Variants in RAC2 observed in about 807,000 individuals in gnomAD.
RAC2 encodes the protein ras-related C3 botulinum toxin substrate 2.
Under a neutral mutation model 24.0 loss-of-function variants are expected in RAC2, and 1 was observed. The observed-to-expected ratio is 0.04, with a 90% confidence interval of 0.01 to 0.20. RAC2 has a LOEUF of 0.20. Ranked by LOEUF, RAC2 falls within the 10% of genes least tolerant of loss-of-function variation. The pLI is 1.00. For missense variants in RAC2, 130 were observed against 259.1 expected (o/e 0.50, Z 3.42); for synonymous variants, 114 against 106.8 (o/e 1.07, Z -0.41).
intron 2 of RAC2, 78 bp downstream of exon 2, chr22:37,241,509 G>A: frequency 4.9e-6 from 7 of 1,433,642 alleles, no homozygotes; most frequent in Non-Finnish European, 6.9e-6. Flanking sequence ...TGGCCCACAG[G>A]AAGTGCCTGA....
At chr22:37,243,790 A>T (rs1374702613) in intron 1 of RAC2, among the ~76,000 whole-genome samples, 1 of 152,202 alleles carries the variant, frequency 6.6e-6, no homozygotes, top group Non-Finnish European at 1.5e-5. Flanking sequence ...GCATCCACAG[A>T]GTAAAGACTG....
chr22:37,243,333 G>GC (rs1278453596), intron 1 of RAC2, among the ~76,000 whole-genome samples: 2 of 152,200 alleles, frequency 1.3e-5, no homozygotes, highest in East Asian at 1.9e-4. Flanking sequence ...GGAAACTGAG[G>GC]CCCCCAGGGG....
chr22:37,234,928 C>T lies in RAC2; in HGVS notation c.108-2010G>A, dbSNP rs56047979. 3.4e-3 allele frequency among the ~76,000 whole-genome samples: 520 copies of T among 152,332 alleles called. 1 individual carries two copies. Among genetic ancestry groups the T allele is most frequent in the African/African-American group, 0.012 (503 of 41,562 alleles). On this transcript the variant is annotated intron_variant, in intron 2 of 6. Transcript: ENST00000249071. ...TCGTCGTCCTCTACCTGTAAAGAGC[C>T]CATGGTTCCCTCTCTCAGGTGACTA... is the stretch of plus-strand genomic sequence containing the variant.
chr22:37,230,862 G>A (rs1305994922), intron 5 of RAC2, among the ~76,000 whole-genome samples: 4 of 152,104 alleles, frequency 2.6e-5, no homozygotes, highest in South Asian at 2.1e-4. Context: ...GCTTCTGTCT[G>A]CTCAAAGCAC....
intron 3 of RAC2, 66 bp downstream of exon 3, chr22:37,232,735 G>T: frequency 7.3e-7 from 1 of 1,370,726 alleles, no homozygotes; most frequent in Non-Finnish European, 1.0e-6. Context: ...GGCTGGAAGG[G>T]CATCCCAAGC....
intron 2 of RAC2, among the ~76,000 whole-genome samples, chr22:37,235,344 C>T (rs956137780): frequency 7.9e-5 from 12 of 152,182 alleles, no homozygotes; most frequent in African/African-American, 1.4e-4. Flanking sequence ...TGGCCCCTGA[C>T]TTCCCACTCT....
chr22:37,226,713 T>C lies in RAC2; in HGVS notation c.539A>G (p.Gln180Arg), dbSNP rs763673351. ...DEAIRAVLCP[Q>R]PTRQQKRACS... ...GGCGCGCTTCTGCTGCCGCGTGGGC[T>C]GAGGGCACAGCACGGCCCGGATGGC... is the stretch of plus-strand genomic sequence containing the variant. The change falls in exon 6 of 7, where the codon CAG becomes CGG. Residue 180 changes from glutamine to arginine, a missense_variant. Around this residue, in one of 2 missense-constraint regions of RAC2, gnomAD observed 119 missense variants for 192.1 expected, o/e 0.62. Transcript: ENST00000249071. 6.2e-7 allele frequency: 1 copy of C among 1,613,152 alleles called. No homozygotes were observed.
chr22:37,228,053 C>T (rs1438744063), intron 5 of RAC2, among the ~76,000 whole-genome samples: 1 of 152,180 alleles, frequency 6.6e-6, no homozygotes, highest in Non-Finnish European at 1.5e-5. Flanking sequence ...CAAATAATCC[C>T]CAGGAGGCCT....
rs918742612 is a variant in RAC2 at position 37,225,599 on chromosome 22, C to T, written c.*443G>A. ...GGAACTCTCTGGCAAGCAGGACCATCGATATTAGAGCAGCTGGCCTCAGGA... is the reference window on the plus strand; with the variant it reads ...GGAACTCTCTGGCAAGCAGGACCATTGATATTAGAGCAGCTGGCCTCAGGA... On this transcript the variant is annotated 3_prime_UTR_variant, in exon 7 of 7. Coordinates refer to ENST00000249071, the MANE Select transcript of RAC2 (RefSeq NM_002872.5). 1.3e-5 allele frequency: 2 copies of T among 152,176 alleles called. No individual in the cohort carries two copies. Among genetic ancestry groups the T allele is most frequent in the Non-Finnish European group, 2.9e-5 (2 of 68,048 alleles). 9.4% of individuals were successfully genotyped at this position (152,176 alleles called of 1,614,324 possible). A position where few individuals can be genotyped will look rare whatever the true frequency, so the allele number is the denominator to read the frequency against.
At chr22:37,241,536 G>A (rs2145831256) in intron 2 of RAC2, 51 bp downstream of exon 2, 1 of 1,557,940 alleles carries the variant, frequency 6.4e-7, no homozygotes, top group Middle Eastern at 1.7e-4. Flanking sequence ...GGTCGACTTG[G>A]TGACGGTCTC....
intron 2 of RAC2, among the ~76,000 whole-genome samples, chr22:37,233,562 C>T (rs1440124828): frequency 6.6e-6 from 1 of 152,230 alleles, no homozygotes; most frequent in African/African-American, 2.4e-5. Context: ...GGATTACAGG[C>T]GTGAGCCACT....
At chr22:37,232,392 A>G in intron 3 of RAC2, 1 of 416,974 alleles carries the variant, frequency 2.4e-6, no homozygotes, top group Non-Finnish European at 4.5e-6. Flanking sequence ...TACCGGCCTT[A>G]GCCGCCTCCC....
Position 37,231,397 on chromosome 22 carries a change from A to C in RAC2, c.289-7T>G, listed in dbSNP as rs1057479635. The C allele has an allele frequency of 1.9e-6, 3 of 1,613,794 alleles. No homozygotes were observed. In the African/African-American group the frequency reaches 4.0e-5, roughly 22 times the overall value. ...GCCGCACTTCTGGGAACCACTGGGC[A>C]GGTGGGTGGGGGGACACAAGGTTGT... On this transcript the variant is annotated splice_region_variant and splice_polypyrimidine_tract_variant and intron_variant, in intron 4 of 6. Transcript: ENST00000249071. The surrounding 1 kb of genome is among the most constrained non-coding windows in gnomAD (Gnocchi z 5.5).
rs941797768 is a variant in RAC2, at chr22:37,231,594, G to A, written c.289-204C>T. 1.5e-4 allele frequency: 94 copies of A among 610,038 alleles called. 1 individual carries two copies. Among genetic ancestry groups the A allele is most frequent in the Non-Finnish European group, 2.3e-5 (8 of 344,482 alleles). 37.8% of individuals were successfully genotyped at this position (610,038 alleles called of 1,614,324 possible). ...CACGACGTTGTGCAGGAAGGAGGGGGCGCATGATTGTAGGAAAGGAGGAGG... is the reference window on the plus strand; with the variant it reads ...CACGACGTTGTGCAGGAAGGAGGGGACGCATGATTGTAGGAAAGGAGGAGG... On this transcript the variant is annotated intron_variant, in intron 4 of 6. Transcript: ENST00000249071. The surrounding 1 kb of genome is among the most constrained non-coding windows in gnomAD (Gnocchi z 5.5).
chr22:37,238,238 A>G (rs1927292218), intron 2 of RAC2, among the ~76,000 whole-genome samples: 1 of 151,716 alleles, frequency 6.6e-6, no homozygotes, highest in Non-Finnish European at 1.5e-5. Context: ...GGCTCTTTTT[A>G]TTTTATTTTA....
At position 37,237,336 on chromosome 22, in the gene RAC2, C is replaced by G. The variant is rs1927260524; in HGVS notation, c.107+4251G>C. ...CATCAGCCAGGAGGGGAGGCCCTTA[C>G]CGTGCTATTGGTTGAAAGATGAAGG... On this transcript the variant is annotated intron_variant, in intron 2 of 6. Transcript: ENST00000249071. Among the ~76,000 whole-genome samples, 4 of 151,988 alleles carry G rather than the reference C, an allele frequency of 2.6e-5. No individual in the cohort carries two copies. The South Asian group carries it at 8.3e-4, about 32-fold the overall frequency.
intron 2 of RAC2, among the ~76,000 whole-genome samples, chr22:37,238,615 C>T (rs571653894): frequency 1.3e-5 from 2 of 152,288 alleles, no homozygotes; most frequent in South Asian, 2.1e-4. Flanking sequence ...AGGGGGCGCC[C>T]CTCTATGCCA....
At chr22:37,233,919 C>T (rs1927149123) in intron 2 of RAC2, among the ~76,000 whole-genome samples, 1 of 152,180 alleles carries the variant, frequency 6.6e-6, no homozygotes, top group Non-Finnish European at 1.5e-5. Context: ...CGGGGCCTTT[C>T]AGCCCACCCC....
chr22:37,241,219 G>T, intron 2 of RAC2: 1 of 765,864 alleles, frequency 1.3e-6, no homozygotes. Context: ...AGGTGTCCCT[G>T]TTCCTTGGAG....
Sources: gnomAD v4.1 joint callset for allele counts (sites outside exome capture counted in the v4.1 genomes callset) on GRCh38, gnomAD v4.1.1 for gene constraint, gnomAD v4.1.1 regional missense constraint, Gnocchi (gnomAD v3.1) non-coding constraint, MANE v1.5 for transcripts, NCBI Gene and HGNC (gene_info 2026-07-23, HGNC 2026-07-21) for gene names.